The following MSRA variants were observed in gnomAD, a reference collection of about 807,000 sequenced individuals.
MSRA encodes mitochondrial peptide methionine sulfoxide reductase.
In MSRA, 54 loss-of-function variants were observed where a neutral mutation model predicts 31.3. The ratio of observed to expected loss-of-function variants is 1.73; its 90% confidence interval spans 1.39 to 2.17. MSRA has a LOEUF of 2.17. Among genes scored for constraint, MSRA ranks in the 30% most tolerant of loss-of-function variants. The pLI, the probability that MSRA is intolerant of heterozygous loss-of-function variation, is 0.00. For synonymous variants in MSRA, 169 were observed against 116.5 expected, an observed-to-expected ratio of 1.45 and a Z score of -2.90; for missense variants, 507 against 300.9, an observed-to-expected ratio of 1.69 and a Z score of -5.07.
intron 1 of MSRA, among the ~76,000 whole-genome samples, chr8:10,124,466 G>C (rs979076882): frequency 6.6e-6 from 1 of 152,188 alleles, no homozygotes; most frequent in Non-Finnish European, 1.5e-5. Context: ...CATTTCAGGA[G>C]GCATCTGTCT....
In MSRA at chr8:10,350,806, G is replaced by A. The variant is rs1804083273; in HGVS notation, c.543+30817G>A. Reference sequence around the variant, plus strand: ...GAGGCCTCGCGCCTCCCCCTTCACAGCATTGCGCCTTCCCTCTTCCAGTTC... The same window carrying A: ...GAGGCCTCGCGCCTCCCCCTTCACAACATTGCGCCTTCCCTCTTCCAGTTC... On this transcript the variant is annotated intron_variant, in intron 5 of 5. Transcript: ENST00000317173. Among the ~76,000 whole-genome samples the A allele has an allele frequency of 2.0e-5, 3 of 152,314 alleles. No homozygotes were observed. The South Asian group carries it at 6.2e-4, about 32-fold the overall frequency.
intron 5 of MSRA, among the ~76,000 whole-genome samples, chr8:10,372,174 T>C (rs761507782): frequency 5.3e-5 from 8 of 152,118 alleles, no homozygotes; most frequent in Non-Finnish European, 1.0e-4. Context: ...TTCCCACCTT[T>C]TGCCTCTACA....
intron 5 of MSRA, among the ~76,000 whole-genome samples, chr8:10,321,606 T>C (rs1188980849): frequency 6.6e-6 from 1 of 152,186 alleles, no homozygotes; most frequent in Non-Finnish European, 1.5e-5. Context: ...AACTCACTTC[T>C]AATGAATGAC....
At chr8:10,371,331 A>C (rs1456651660) in intron 5 of MSRA, among the ~76,000 whole-genome samples, 2 of 152,052 alleles carry the variant, frequency 1.3e-5, no homozygotes, top group South Asian at 4.2e-4. Flanking sequence ...GCGCGCTCTC[A>C]TGCTGGACAT....
chr8:10,239,629 C>A (rs1403001230), intron 2 of MSRA, among the ~76,000 whole-genome samples: 1 of 152,172 alleles, frequency 6.6e-6, no homozygotes, highest in African/African-American at 2.4e-5. Context: ...CCCAGAGTGC[C>A]CAGGCAATAG....
chr8:10,260,589 A>G (rs1444841571), intron 3 of MSRA, among the ~76,000 whole-genome samples: 1 of 152,208 alleles, frequency 6.6e-6, no homozygotes, highest in Non-Finnish European at 1.5e-5. Flanking sequence ...AATGCCTGCT[A>G]GGAAATCCAA....
intron 3 of MSRA, among the ~76,000 whole-genome samples, chr8:10,268,264 G>C (rs972315471): frequency 6.6e-6 from 1 of 152,148 alleles, no homozygotes; most frequent in Non-Finnish European, 1.5e-5. Flanking sequence ...AAACAAAATG[G>C]GAACGCTTCT....
intron 1 of MSRA, among the ~76,000 whole-genome samples, chr8:10,159,843 G>C (rs1804485100): frequency 6.6e-6 from 1 of 152,162 alleles, no homozygotes; most frequent in Non-Finnish European, 1.5e-5. Context: ...ACCCATTTAA[G>C]TGGTTCCTAC....
intron 1 of MSRA, among the ~76,000 whole-genome samples, chr8:10,204,172 C>T (rs991098789): frequency 7.3e-5 from 11 of 151,662 alleles, no homozygotes; most frequent in Admixed American, 1.3e-4. Flanking sequence ...TTACAACAGT[C>T]GAAAAGTAAA....
intron 5 of MSRA, among the ~76,000 whole-genome samples, chr8:10,414,643 C>T (rs1289338548): frequency 6.6e-6 from 1 of 152,230 alleles, no homozygotes; most frequent in Non-Finnish European, 1.5e-5. Flanking sequence ...GAATTCAGTG[C>T]TCTAAGCTTA....
chr8:10,134,372 C>T (rs1802111841), intron 1 of MSRA, among the ~76,000 whole-genome samples: 1 of 152,188 alleles, frequency 6.6e-6, no homozygotes, highest in Non-Finnish European at 1.5e-5. Flanking sequence ...GTGCTGAGCT[C>T]ATGTAGAGGC....
intron 3 of MSRA, among the ~76,000 whole-genome samples, chr8:10,258,658 A>C (rs1798308637): frequency 1.3e-5 from 2 of 152,198 alleles, no homozygotes; most frequent in Admixed American, 1.3e-4. Flanking sequence ...TATCATGAGA[A>C]AAGTCCAAAG....
chr8:10,410,110 C>T (rs887467131), intron 5 of MSRA, among the ~76,000 whole-genome samples: 18 of 152,194 alleles, frequency 1.2e-4, no homozygotes, highest in African/African-American at 4.3e-4. Flanking sequence ...AAAAGATGAT[C>T]CTCCGAGCCT....
intron 5 of MSRA, among the ~76,000 whole-genome samples, chr8:10,419,953 C>G (rs192632284): frequency 3.9e-5 from 6 of 152,214 alleles, no homozygotes; most frequent in Admixed American, 2.6e-4. Context: ...ACAGGGTCAG[C>G]GCTGGAAGCT....
At chr8:10,277,749 TA>T (rs1799400097) in intron 3 of MSRA, among the ~76,000 whole-genome samples, 2 of 152,216 alleles carry the variant, frequency 1.3e-5, no homozygotes. Context: ...CTTATTAGCT[TA>T]TAATTTTTTG....
At chr8:10,089,139 CA>C (rs554433349) in intron 1 of MSRA, among the ~76,000 whole-genome samples, 567 of 13,914 alleles carry the variant, frequency 0.041, 5 homozygotes, top group East Asian at 0.074. Flanking sequence ...GCTTTTGTCC[CA>C]CACACACACA....
chr8:10,398,725 C>G (rs1465006598), intron 5 of MSRA, among the ~76,000 whole-genome samples: 6 of 152,340 alleles, frequency 3.9e-5, no homozygotes, highest in African/African-American at 1.4e-4. Context: ...CCAGCTGGAA[C>G]TGGGAGGTTG....
chr8:10,164,992 C>T (rs1366238503), intron 1 of MSRA, among the ~76,000 whole-genome samples: 1 of 152,152 alleles, frequency 6.6e-6, no homozygotes, highest in Non-Finnish European at 1.5e-5. Flanking sequence ...CATGCCACTG[C>T]ACTCCACCCT....
At chr8:10,193,097 T>C (rs1013410079) in intron 1 of MSRA, among the ~76,000 whole-genome samples, 1 of 152,228 alleles carries the variant, frequency 6.6e-6, no homozygotes, top group East Asian at 1.9e-4. Flanking sequence ...TATCAAGACA[T>C]AATTCTCCTC....
Sources: gnomAD v4.1 joint callset for allele counts (sites outside exome capture counted in the v4.1 genomes callset) on GRCh38, gnomAD v4.1.1 for gene constraint, MANE v1.5 for transcripts, NCBI Gene and HGNC (gene_info 2026-07-23, HGNC 2026-07-21) for gene names.